Variants in NHS observed in about 807,000 individuals in gnomAD.
The protein encoded by NHS is actin remodeling regulator NHS.
NHS carries 5 observed loss-of-function variants against 72.5 expected under a neutral mutation model. The ratio of observed to expected loss-of-function variants is 0.07; its 90% confidence interval spans 0.04 to 0.14. The LOEUF (loss-of-function observed/expected upper bound fraction) is 0.14, where lower values mean the gene tolerates loss of function less well. NHS is among the 10% of genes least tolerant of loss of function. The probability of loss-of-function intolerance (pLI) is 1.00; values close to 1 mark genes in which losing one functional copy is unlikely to be tolerated. For missense variants in NHS, 1,072 were observed against 1,355.7 expected (o/e 0.79, Z 3.29); for synonymous variants, 464 against 547.7 (o/e 0.85, Z 2.13).
At chrX:17,391,441 G>A (rs1456487099) in intron 1 of NHS, among the ~76,000 whole-genome samples, 1 of 111,895 alleles carries the variant, frequency 8.9e-6, no homozygotes, top group East Asian at 2.8e-4. Context: ...GCAGTGTATG[G>A]CATATACACA....
At chrX:17,605,586 T>G (rs2065674707) in intron 1 of NHS, among the ~76,000 whole-genome samples, 1 of 111,149 alleles carries the variant, frequency 9.0e-6, no homozygotes, top group Non-Finnish European at 1.9e-5. Context: ...CCTAAAGGTC[T>G]CTTGCCCATT....
At chrX:17,665,549 G>A (rs888162672) in intron 1 of NHS, among the ~76,000 whole-genome samples, 46 of 109,091 alleles carry the variant, frequency 4.2e-4, no homozygotes, top group Non-Finnish European at 6.9e-4. Flanking sequence ...GGATGGTCTC[G>A]ATCTCCTGAC....
intron 1 of NHS, among the ~76,000 whole-genome samples, chrX:17,419,323 C>T (rs2064612154): frequency 8.9e-6 from 1 of 112,238 alleles, no homozygotes; most frequent in South Asian, 3.7e-4. Context: ...AAACATTTTT[C>T]TTTTTCAAGT....
chrX:17,604,515 C>T (rs185358961), intron 1 of NHS, among the ~76,000 whole-genome samples: 1 of 111,914 alleles, frequency 8.9e-6, no homozygotes, highest in East Asian at 2.8e-4. Flanking sequence ...AACAGCGATC[C>T]TTTATAGGGC....
At chrX:17,574,404 A>G (rs779384083) in intron 1 of NHS, among the ~76,000 whole-genome samples, 19 of 112,041 alleles carry the variant, frequency 1.7e-4, no homozygotes, top group African/African-American at 5.5e-4. Context: ...AGCCTCAGCC[A>G]TGGTGGACTC....
At chrX:17,548,763 A>G (rs1398886528) in intron 1 of NHS, among the ~76,000 whole-genome samples, 1 of 111,722 alleles carries the variant, frequency 9.0e-6, no homozygotes, top group African/African-American at 3.3e-5. Flanking sequence ...ACAGAAGCCC[A>G]TCCTAGGGGA....
At chrX:17,614,596 C>T (rs965138423) in intron 1 of NHS, among the ~76,000 whole-genome samples, 2 of 111,893 alleles carry the variant, frequency 1.8e-5, no homozygotes, top group East Asian at 2.8e-4. Context: ...TGTTAGGACT[C>T]CAGCACCCAT....
chrX:17,437,361 C>T (rs2064728907), intron 1 of NHS, among the ~76,000 whole-genome samples: 1 of 111,900 alleles, frequency 8.9e-6, no homozygotes, highest in African/African-American at 3.3e-5. Context: ...TTAGACGCCT[C>T]ACACTAGGAG....
intron 1 of NHS, among the ~76,000 whole-genome samples, chrX:17,392,715 A>G (rs1304319877): frequency 8.9e-6 from 1 of 112,086 alleles, no homozygotes; most frequent in Non-Finnish European, 1.9e-5. Flanking sequence ...CATGCTTAAA[A>G]CCTAATTATA....
At chrX:17,590,084 A>G (rs2065595773) in intron 1 of NHS, among the ~76,000 whole-genome samples, 1 of 112,095 alleles carries the variant, frequency 8.9e-6, no homozygotes, top group Non-Finnish European at 1.9e-5. Context: ...GTGTGTATGT[A>G]TCAAATGGGC....
chrX:17,492,610 G>C (rs956349766), intron 1 of NHS, among the ~76,000 whole-genome samples: 1 of 112,295 alleles, frequency 8.9e-6, no homozygotes, highest in Non-Finnish European at 1.9e-5. Flanking sequence ...TTTATATTCT[G>C]TTGATTTAGG....
chrX:17,408,891 A>T (rs1462840317), intron 1 of NHS, among the ~76,000 whole-genome samples: 1 of 111,627 alleles, frequency 9.0e-6, no homozygotes, highest in African/African-American at 3.3e-5. Flanking sequence ...TGTCTTGTAG[A>T]TAACTGCGTT....
At chrX:17,469,736 G>T (rs1319566512) in intron 1 of NHS, among the ~76,000 whole-genome samples, 2 of 112,022 alleles carry the variant, frequency 1.8e-5, no homozygotes, top group Non-Finnish European at 1.9e-5. Flanking sequence ...CGCCTCTTGG[G>T]TTCAAGTGAT....
intron 1 of NHS, among the ~76,000 whole-genome samples, chrX:17,419,224 C>T (rs2064611342): frequency 8.9e-6 from 1 of 112,613 alleles, no homozygotes; most frequent in African/African-American, 3.2e-5. Flanking sequence ...TTTGTTTAAA[C>T]TCTTCAACGG....
chrX:17,616,519 C>T (rs1333299839), intron 1 of NHS, among the ~76,000 whole-genome samples: 1 of 112,285 alleles, frequency 8.9e-6, no homozygotes, highest in Admixed American at 9.4e-5. Flanking sequence ...TTTATTTAGC[C>T]CAAATGTCCA....
At position 17,714,598 on chromosome X, in the gene NHS, T is replaced by C. The variant is rs190950485; in HGVS notation, c.853-4746T>C. On this transcript the variant is annotated intron_variant, in intron 3 of 8. Coordinates refer to ENST00000676302, the MANE Select transcript of NHS (RefSeq NM_001291867.2). ...TGATGTTATTTCTCTAGAAGAGAAT[T>C]TTTGTTTGCTTATGCCAGGCACGTG... Among the ~76,000 whole-genome samples the C allele has an allele frequency of 4.4e-5, 5 of 112,643 alleles. No individual in the cohort carries two copies. In the East Asian group the frequency reaches 8.3e-4, roughly 19 times the overall value.
Position 17,504,164 on chromosome X carries a change from CA to C in NHS, c.565+127844del, listed in dbSNP as rs2065046900. 6.2e-5 allele frequency among the ~76,000 whole-genome samples: 7 copies of C among 112,301 alleles called. No individual in the cohort carries two copies. The Admixed American group carries it at 6.6e-4, about 11-fold the overall frequency. ...AGCAGCATTTTATTAGCATCCCCTA[CA>C]ACCAGGCTTCTGAAAGACACTAGGG... On this transcript the variant is annotated intron_variant, in intron 1 of 8. Coordinates refer to ENST00000676302, the MANE Select transcript of NHS (RefSeq NM_001291867.2).
chrX:17,430,265 TTCTTTCTTTCTTTCTTTC>T (rs2064684182), intron 1 of NHS, among the ~76,000 whole-genome samples: 1 of 38,610 alleles, frequency 2.6e-5, no homozygotes, highest in South Asian at 2.4e-3. Flanking sequence ...TTCTTTTTCT[TTCTTTCTTTCTTTCTTTC>T]TTTCTTTCTT....
At chrX:17,622,854 G>A (rs999447935) in intron 1 of NHS, among the ~76,000 whole-genome samples, 1 of 111,557 alleles carries the variant, frequency 9.0e-6, no homozygotes, top group Middle Eastern at 4.7e-3. Context: ...GAGGCAAGGT[G>A]TATGGGAGGG....
Sources: allele counts gnomAD v4.1 joint callset (sites outside exome capture counted in the v4.1 genomes callset), GRCh38; gene constraint gnomAD v4.1.1; transcripts MANE v1.5; gene names NCBI Gene and HGNC (gene_info 2026-07-23, HGNC 2026-07-21).